The following GSE1 variants were observed in gnomAD, a reference collection of about 807,000 sequenced individuals.
GSE1 encodes the protein genetic suppressor element 1.
In GSE1, 32 loss-of-function variants were observed where a neutral mutation model predicts 112.6. The observed-to-expected ratio is 0.28, with a 90% CI of 0.21 to 0.38. The LOEUF is 0.38. Among genes scored for constraint, GSE1 ranks in the 10% least tolerant of loss-of-function variants. The probability of loss-of-function intolerance (pLI) is 1.00; values close to 1 mark genes in which losing one functional copy is unlikely to be tolerated. For synonymous variants in GSE1, 1,115 were observed against 735.6 expected, an observed-to-expected ratio of 1.52 and a Z score of -8.35; for missense variants, 2,348 against 1,699.2, an observed-to-expected ratio of 1.38 and a Z score of -6.71.
upstream of GSE1, among the ~76,000 whole-genome samples, chr16:85,553,908 C>G (rs983927902): frequency 6.6e-6 from 1 of 152,164 alleles, no homozygotes; most frequent in Admixed American, 6.5e-5. Flanking sequence ...CTGGGGACCC[C>G]TGATTTACGC....
At chr16:85,315,715 A>G (rs2045971505) in intron 1 of GSE1, among the ~76,000 whole-genome samples, 1 of 152,250 alleles carries the variant, frequency 6.6e-6, no homozygotes, top group Admixed American at 6.5e-5. Flanking sequence ...CTTTTAGTAT[A>G]AAAGTCTATC....
chr16:85,665,486 G>GGA (rs1471121655), intron 12 of GSE1, among the ~76,000 whole-genome samples: 2 of 152,226 alleles, frequency 1.3e-5, no homozygotes, highest in African/African-American at 4.8e-5. Flanking sequence ...AGTGCCCGCA[G>GGA]CCTGGTCCTG....
intron 1 of GSE1, among the ~76,000 whole-genome samples, chr16:85,279,505 G>T (rs2044791257): frequency 6.6e-6 from 1 of 151,944 alleles, no homozygotes; most frequent in South Asian, 2.1e-4. Context: ...CACTCAAGGG[G>T]GGATCACTTG....
intron 2 of GSE1, among the ~76,000 whole-genome samples, chr16:85,520,570 C>T (rs1052534962): frequency 4.6e-5 from 7 of 151,734 alleles, no homozygotes; most frequent in African/African-American, 1.7e-4. Flanking sequence ...TACAGGCGCC[C>T]ACCACCACAC....
intron 14 of GSE1, among the ~76,000 whole-genome samples, chr16:85,669,236 T>C (rs2053131724): frequency 6.6e-6 from 1 of 152,282 alleles, no homozygotes; most frequent in Admixed American, 6.5e-5. Context: ...CACTGCTGGG[T>C]ATGCGCTTTG....
upstream of GSE1, among the ~76,000 whole-genome samples, chr16:85,612,333 G>C (rs930780741): frequency 1.3e-4 from 20 of 152,200 alleles, 1 homozygote; most frequent in African/African-American, 4.6e-4. Context: ...TGGGTGCCCA[G>C]GAATTTCAGG....
At chr16:85,413,111 C>T (rs1181089907) in intron 2 of GSE1, among the ~76,000 whole-genome samples, 1 of 152,184 alleles carries the variant, frequency 6.6e-6, no homozygotes, top group Non-Finnish European at 1.5e-5. Context: ...GTTTCCAGGC[C>T]GAGCGCCCTT....
At chr16:85,254,505 C>T (rs1184099666) in intron 1 of GSE1, among the ~76,000 whole-genome samples, 1 of 152,228 alleles carries the variant, frequency 6.6e-6, no homozygotes, top group East Asian at 1.9e-4. Context: ...CCCCTGACCC[C>T]AGGAGGTCTG....
chr16:85,268,351 T>C (rs1908472848), intron 1 of GSE1, among the ~76,000 whole-genome samples: 1 of 152,100 alleles, frequency 6.6e-6, no homozygotes, highest in Non-Finnish European at 1.5e-5. Flanking sequence ...GTACAAACAC[T>C]GCCAGGTCCC....
At chr16:85,358,447 C>T (rs1302587199) in intron 2 of GSE1, among the ~76,000 whole-genome samples, 2 of 152,208 alleles carry the variant, frequency 1.3e-5, no homozygotes, top group Non-Finnish European at 2.9e-5. Flanking sequence ...TCGCTGCCCC[C>T]ACAGCACGGG....
chr16:85,218,941 G>A (rs1380537293), intron 1 of GSE1, among the ~76,000 whole-genome samples: 1 of 152,146 alleles, frequency 6.6e-6, no homozygotes, highest in Non-Finnish European at 1.5e-5. Flanking sequence ...GTGCAGTGGT[G>A]TGATATCGGC....
In GSE1 at chr16:85,409,446, C is replaced by T. The variant is rs1207609006; in HGVS notation, c.2464+51803C>T. 5.4e-3 allele frequency among the ~76,000 whole-genome samples: 121 copies of T among 22,342 alleles called. 32 individuals carry two copies. The highest frequency in any genetic ancestry group is 0.015 in the African/African-American group (114 of 7,410). The allele number at this position is 22,342 out of a possible 152,430, so 14.7% of individuals were successfully genotyped here. A position where few individuals can be genotyped will look rare whatever the true frequency, so the allele number is the denominator to read the frequency against. On this transcript the variant is annotated intron_variant, in intron 2 of 2. Transcript: ENST00000637419. ...CCTCACTGTTACACTCAGGGCCCCC[C>T]CGGATAATCCTCACTGTTACTCTCA...
At chr16:85,507,875 A>G (rs1378238478) in intron 2 of GSE1, among the ~76,000 whole-genome samples, 2 of 152,212 alleles carry the variant, frequency 1.3e-5, no homozygotes, top group African/African-American at 2.4e-5. Context: ...TGGATGCGTC[A>G]TATTCATCAG....
chr16:85,358,113 C>A (rs538185653), intron 2 of GSE1, among the ~76,000 whole-genome samples: 1 of 152,134 alleles, frequency 6.6e-6, no homozygotes, highest in African/African-American at 2.4e-5. Context: ...TCCTCCCCCT[C>A]CCACTCCCGC....
At chr16:85,575,149 TC>T (rs1567606407) in intron 1 of GSE1, among the ~76,000 whole-genome samples, 1 of 151,954 alleles carries the variant, frequency 6.6e-6, no homozygotes, top group Non-Finnish European at 1.5e-5. Flanking sequence ...CTACAGAATG[TC>T]AGAGGCACGC....
chr16:85,651,666 G>A (rs957336530), intron 3 of GSE1, among the ~76,000 whole-genome samples: 6 of 152,166 alleles, frequency 3.9e-5, no homozygotes, highest in Non-Finnish European at 7.4e-5. Context: ...TCCTCAGGTC[G>A]AGGTCTGTCC....
chr16:85,400,780 CTGTG>C (rs2048092138), intron 2 of GSE1, among the ~76,000 whole-genome samples: 1 of 143,786 alleles, frequency 7.0e-6, no homozygotes, highest in African/African-American at 2.6e-5. Flanking sequence ...GTGTGTGTCT[CTGTG>C]TGTGTGGTGT....
intron 14 of GSE1, 152 bp from the exon 15 acceptor site, chr16:85,670,843 C>CT (rs2053269780): frequency 3.4e-6 from 2 of 594,316 alleles, no homozygotes; most frequent in Admixed American, 3.2e-5. Flanking sequence ...ATTCAAAGGG[C>CT]TGGGAGCATT....
At position 85,584,669 on chromosome 16, in the gene GSE1, G is replaced by A. The variant is rs749425814; in HGVS notation, c.37+28306G>A. ...GGCTGGTACTTGGTACTGCTTTTCCGTTCCCCCTCCGTTTTATGCCTTTTT... is the reference window on the plus strand; with the variant it reads ...GGCTGGTACTTGGTACTGCTTTTCCATTCCCCCTCCGTTTTATGCCTTTTT... On this transcript the variant is annotated intron_variant, in intron 1 of 2. Transcript: ENST00000635906. Among the ~76,000 whole-genome samples, 13 of 152,206 alleles carry A rather than the reference G, an allele frequency of 8.5e-5. No homozygotes were observed. The East Asian group carries it at 1.4e-3, about 16-fold the overall frequency.
Sources: allele counts gnomAD v4.1 joint callset (sites outside exome capture counted in the v4.1 genomes callset), GRCh38; gene constraint gnomAD v4.1.1; transcripts MANE v1.5; gene names NCBI Gene and HGNC (gene_info 2026-07-23, HGNC 2026-07-21).